RPF1: variants seen among roughly 807,000 people sequenced by gnomAD.
RPF1 encodes ribosome production factor 1.
Under a neutral mutation model 41.9 loss-of-function variants are expected in RPF1, and 34 were observed. That is an observed-to-expected ratio of 0.81 (90% CI 0.62 to 1.08). The LOEUF is 1.08. Among genes scored for constraint, RPF1 ranks in the 50% least tolerant of loss-of-function variants. RPF1 has a pLI of 0.00. For missense variants in RPF1, 425 were observed against 435.2 expected (o/e 0.98, Z 0.21); for synonymous variants, 140 against 148.9 (o/e 0.94, Z 0.43).
intron 6 of RPF1, 54 bp downstream of exon 6, chr1:84,495,509 G>GC: frequency 3.9e-6 from 3 of 778,412 alleles, no homozygotes; most frequent in Admixed American, 2.6e-5. Flanking sequence ...ATATTTATTT[G>GC]ATCAATAGAT....
At chr1:84,483,801 T>C (rs1348298170) in intron 3 of RPF1, among the ~76,000 whole-genome samples, 18 of 152,268 alleles carry the variant, frequency 1.2e-4, no homozygotes, top group Admixed American at 1.2e-3. Flanking sequence ...TTCGAATGTC[T>C]GTTTGCTTTG....
Position 84,495,430 on chromosome 1 carries a change from G to T in RPF1, c.674G>T (p.Ser225Ile), listed in dbSNP as rs752234373. The T allele has an allele frequency of 1.0e-5, 15 of 1,490,140 alleles. 1 individual carries two copies. The highest frequency in any genetic ancestry group is 1.3e-5 in the Non-Finnish European group (14 of 1,082,946). The allele number at this position is 1,490,140 out of a possible 1,614,324, so 92.3% of individuals were successfully genotyped here. Residue 225 changes from serine (S) to isoleucine (I), a missense_variant, in exon 6 of 9, where the codon AGT becomes ATT. Coordinates refer to ENST00000370654, the MANE Select transcript of RPF1 (RefSeq NM_025065.7). The stretch of plus-strand genomic sequence containing the variant: ...CCAACTGCTCATTTTAAAATGAGCA[G>T]TGTTCGTCTTCGTAAAGAAATTAAG... ...NGPTAHFKMS[S>I]VRLRKEIKRR...
chr1:84,496,566 TA>T (rs34913814), intron 8 of RPF1, among the ~76,000 whole-genome samples, 196 bp downstream of exon 8: 77,253 of 131,838 alleles, frequency 0.59, 22,233 homozygotes, highest in East Asian at 0.77. Flanking sequence ...ACCCTTGAAC[TA>T]AAAAAAAAAA....
chr1:84,482,554 A>C (rs1681669725), intron 2 of RPF1, among the ~76,000 whole-genome samples: 1 of 152,208 alleles, frequency 6.6e-6, no homozygotes, highest in African/African-American at 2.4e-5. Flanking sequence ...GAACAAAGTC[A>C]TGTACGGATG....
At chr1:84,489,896 G>T (rs150826847) in intron 4 of RPF1, among the ~76,000 whole-genome samples, 168 bp downstream of exon 4, 3 of 152,308 alleles carry the variant, frequency 2.0e-5, no homozygotes, top group East Asian at 1.9e-4. Context: ...TACTAAACAT[G>T]ATTCTTCAAG....
chr1:84,479,603 C>A (rs1184586277), intron 1 of RPF1, 94 bp downstream of exon 1: 31 of 1,197,824 alleles, frequency 2.6e-5, no homozygotes, highest in Non-Finnish European at 3.7e-5. Flanking sequence ...CTGCTGGTCT[C>A]AAAAGTGTTC....
rs1326095727 is a variant in RPF1 at position 84,490,347 on chromosome 1, C to T, written c.491C>T (p.Ser164Phe). ...GRTVRLCEQL[S>F]TVIPNSHVYY... is the part of the protein sequence containing the mutation. ...ACAGTACGACTCTGTGAACAGCTCT[C>T]CACAGTTATACCAAACTCACATGTT... The change falls in exon 5 of 9, where the codon TCC becomes TTC. Residue 164 changes from serine to phenylalanine, a missense_variant. Physicochemically the swap from Ser to Phe is radical, Grantham distance 155. Transcript: ENST00000370654. 2 of 1,604,872 alleles carry T rather than the reference C, an allele frequency of 1.2e-6. No homozygotes were observed. The highest frequency in any genetic ancestry group is 2.2e-5 in the South Asian group (2 of 88,922).
intron 8 of RPF1, 47 bp downstream of exon 8, chr1:84,496,417 G>A (rs374474305): frequency 1.3e-5 from 20 of 1,524,158 alleles, no homozygotes; most frequent in Non-Finnish European, 1.8e-5. Flanking sequence ...TAAAGTATGG[G>A]ATAAGAGGGT....
Position 84,495,912 on chromosome 1 carries a change from C to G in RPF1, c.730C>G (p.Pro244Ala), listed in dbSNP as rs989889163. Residue 244 changes from proline (P) to alanine (A), a missense_variant, in exon 7 of 9, where the codon CCT (proline) becomes GCT (alanine). Pro to Ala is a conservative substitution (Grantham distance 27, BLOSUM62 -1). Coordinates refer to ENST00000370654, the MANE Select transcript of RPF1 (RefSeq NM_025065.7). ...AGGCAAGGACCCCACAGAACACATA[C>G]CTGAAATAATTCTGAATAATTTTAC... ...RRGKDPTEHI[P>A]EIILNNFTTR... The G allele has an allele frequency of 9.3e-6, 15 of 1,609,766 alleles. No homozygotes were observed. The highest frequency in any genetic ancestry group is 1.1e-5 in the Non-Finnish European group (13 of 1,176,882).
At chr1:84,486,423 T>C (rs1681739385) in intron 3 of RPF1, among the ~76,000 whole-genome samples, 1 of 151,616 alleles carries the variant, frequency 6.6e-6, no homozygotes, top group African/African-American at 2.4e-5. Context: ...CCATCTCTAC[T>C]AAAAATACAA....
Position 84,479,441 on chromosome 1 carries a change from A to ATCTC in RPF1, c.161_162insCTCT (p.Glu56PhefsTer4). On this transcript the variant is annotated frameshift_variant, in exon 1 of 9. Transcript: ENST00000370654. LOFTEE classifies it high-confidence loss of function. Reference sequence around the variant, plus strand: ...GGCTGCCTTTCCGCCAGGCTTTAGCATTTCGGAGATTAAAAACAAACAGCG... The same window carrying ATCTC: ...GGCTGCCTTTCCGCCAGGCTTTAGCATCTCTTTCGGAGATTAAAAACAAACAGCG... 6.2e-7 allele frequency: 1 copy of ATCTC among 1,614,240 alleles called. No homozygotes were observed.
chr1:84,494,180 C>T (rs888002034), intron 5 of RPF1, among the ~76,000 whole-genome samples: 1 of 152,144 alleles, frequency 6.6e-6, no homozygotes, highest in Non-Finnish European at 1.5e-5. Flanking sequence ...GTCAGACCAA[C>T]CACAATACTA....
rs1681812655 is a variant in RPF1, at chr1:84,490,378, C to T, written c.522C>T (p.Tyr174=). The T allele has an allele frequency of 1.2e-6, 2 of 1,611,928 alleles. No individual in the cohort carries two copies. Among genetic ancestry groups the T allele is most frequent in the East Asian group, 2.2e-5 (1 of 44,746 alleles). The part of the protein sequence containing the change: ...STVIPNSHVY[Y]RRGLALKKII... ...TTATACCAAACTCACATGTTTATTA[C>T]AGAAGAGGACTGGCTCTGAAAAAAA... Residue 174 remains tyrosine, a synonymous_variant, in exon 5 of 9, where the codon TAC becomes TAT. Transcript: ENST00000370654.
intron 3 of RPF1, among the ~76,000 whole-genome samples, chr1:84,484,561 T>G (rs1681706496): frequency 6.6e-6 from 1 of 152,200 alleles, no homozygotes; most frequent in Admixed American, 6.5e-5. Context: ...AGACCAGATA[T>G]TCTATAGAAT....
chr1:84,493,295 G>A (rs952130172), intron 5 of RPF1, among the ~76,000 whole-genome samples: 4 of 142,864 alleles, frequency 2.8e-5, no homozygotes, highest in East Asian at 2.0e-4. Flanking sequence ...GAATTCAAAC[G>A]TTTGCTGATA....
intron 3 of RPF1, among the ~76,000 whole-genome samples, chr1:84,486,275 C>CACG (rs979109855): frequency 6.6e-6 from 1 of 151,986 alleles, no homozygotes; most frequent in African/African-American, 2.4e-5. Flanking sequence ...AATGAAGAGC[C>CACG]ACTGGGTGGG....
intron 3 of RPF1, among the ~76,000 whole-genome samples, chr1:84,486,573 G>C (rs1056310346): frequency 7.2e-6 from 1 of 138,228 alleles, no homozygotes; most frequent in African/African-American, 2.8e-5. Context: ...GGGCGACAGA[G>C]CGAGACTCCG....
Position 84,479,505 on chromosome 1 carries a change from G to A in RPF1, c.224G>A (p.Arg75Gln), listed in dbSNP as rs1360630260. The change falls in exon 1 of 9, where the codon CGG becomes CAG. Residue 75 changes from arginine (R) to glutamine (Q), a missense_variant. Physicochemically the swap from Arg to Gln is conservative, Grantham distance 43. Coordinates refer to ENST00000370654, the MANE Select transcript of RPF1 (RefSeq NM_025065.7). ...LMFTRWKQQQ[R>Q]KEKLAAKKKL... is the part of the protein sequence containing the mutation. ...TTCACGCGGTGGAAACAGCAGCAGC[G>A]GAAGGTACGCGAGAGGCGGGGGCTG... is the stretch of plus-strand genomic sequence containing the variant. 6.2e-7 allele frequency: 1 copy of A among 1,613,738 alleles called. No homozygotes were observed. Among genetic ancestry groups the A allele is most frequent in the Non-Finnish European group, 8.5e-7 (1 of 1,179,780 alleles).
intron 8 of RPF1, among the ~76,000 whole-genome samples, chr1:84,496,960 C>T (rs1263980782): frequency 6.6e-6 from 1 of 151,986 alleles, no homozygotes; most frequent in Non-Finnish European, 1.5e-5. Context: ...CAACCTCCAC[C>T]TCCCGGGTTC....
Sources: allele counts gnomAD v4.1 joint callset (sites outside exome capture counted in the v4.1 genomes callset), GRCh38; gene constraint gnomAD v4.1.1; transcripts MANE v1.5; gene names NCBI Gene and HGNC (gene_info 2026-07-23, HGNC 2026-07-21).